Variants in ZSCAN5A observed in about 807,000 individuals in gnomAD.
The protein encoded by ZSCAN5A is zinc finger and SCAN domain-containing protein 5A.
ZSCAN5A carries 12 observed loss-of-function variants against 23.7 expected under a neutral mutation model. That is an observed-to-expected ratio of 0.51 (90% CI 0.32 to 0.82). The LOEUF is 0.82. Ranked by LOEUF, ZSCAN5A falls within the 40% of genes least tolerant of loss-of-function variation. The pLI, the probability that ZSCAN5A is intolerant of heterozygous loss-of-function variation, is 0.03. For synonymous variants in ZSCAN5A, 257 were observed against 239.9 expected, an observed-to-expected ratio of 1.07 and a Z score of -0.66; for missense variants, 597 against 617.9, an observed-to-expected ratio of 0.97 and a Z score of 0.36.
intron 2 of ZSCAN5A, among the ~76,000 whole-genome samples, chr19:56,271,495 C>T (rs763807814): frequency 2.0e-5 from 3 of 152,304 alleles, no homozygotes; most frequent in East Asian, 1.9e-4. Flanking sequence ...CACGTTTTCC[C>T]GGTGATGAGT....
chr19:56,232,848 G>T (rs148520154), intron 2 of ZSCAN5A, among the ~76,000 whole-genome samples: 9 of 151,960 alleles, frequency 5.9e-5, no homozygotes, highest in African/African-American at 4.8e-5. Context: ...CTGGCTAATT[G>T]TTTTGTATGT....
At chr19:56,332,758 A>T (rs542573440) in intron 2 of ZSCAN5A, among the ~76,000 whole-genome samples, 1 of 152,242 alleles carries the variant, frequency 6.6e-6, no homozygotes, top group South Asian at 2.1e-4. Flanking sequence ...GGATCTGAGG[A>T]CCATATACTT....
rs117757048 is a variant in ZSCAN5A, at chr19:56,306,178, C to T, written c.-128+7105G>A. ...CAGTTAAGAGGCTACTCAGTTTCCA[C>T]GAGATGACGGTAGCCTGGTCAAGGC... On this transcript the variant is annotated intron_variant, in intron 2 of 5. Coordinates refer to ENST00000683990, the MANE Select transcript of ZSCAN5A (RefSeq NM_001322064.3). Among the ~76,000 whole-genome samples, 98 of 152,330 alleles carry T rather than the reference C, an allele frequency of 6.4e-4. 3 individuals carry two copies. The East Asian group carries it at 0.017, about 26-fold the overall frequency.
At chr19:56,267,049 CTCTG>C (rs78972671) in intron 2 of ZSCAN5A, among the ~76,000 whole-genome samples, 81,881 of 151,232 alleles carry the variant, frequency 0.54, 22,360 homozygotes, top group South Asian at 0.6. Flanking sequence ...AAGCTGTTCC[CTCTG>C]TCTAAGCTAC....
chr19:56,361,117 A>G (rs1038792135), intron 2 of ZSCAN5A, among the ~76,000 whole-genome samples: 14 of 152,152 alleles, frequency 9.2e-5, no homozygotes, highest in East Asian at 3.9e-4. Context: ...AGAAATGCCA[A>G]TGATCACTGG....
At chr19:56,311,479 C>T (rs946369553) in intron 2 of ZSCAN5A, among the ~76,000 whole-genome samples, 4 of 152,040 alleles carry the variant, frequency 2.6e-5, no homozygotes, top group Non-Finnish European at 5.9e-5. Flanking sequence ...ACAACTGAAC[C>T]AATAGAGAAG....
intron 2 of ZSCAN5A, among the ~76,000 whole-genome samples, chr19:56,248,375 C>T (rs1473845754): frequency 6.6e-6 from 1 of 152,122 alleles, no homozygotes; most frequent in Non-Finnish European, 1.5e-5. Context: ...ATTCTGCCGT[C>T]TTGGCCGCCG....
At chr19:56,315,151 T>C (rs1334259942), upstream of ZSCAN5A, 3 of 152,082 alleles carry the variant, frequency 2.0e-5, no homozygotes, top group Non-Finnish European at 1.5e-5. Flanking sequence ...TAGTTTAGGG[T>C]TGTTTTGCGG....
intron 2 of ZSCAN5A, among the ~76,000 whole-genome samples, chr19:56,356,412 T>C (rs1347127067): frequency 2.0e-5 from 3 of 148,524 alleles, no homozygotes; most frequent in African/African-American, 7.6e-5. Context: ...TACGTATCAA[T>C]CTTATGACCT....
intron 2 of ZSCAN5A, among the ~76,000 whole-genome samples, chr19:56,268,017 C>G (rs531036054): frequency 6.6e-6 from 1 of 152,198 alleles, no homozygotes; most frequent in African/African-American, 2.4e-5. Flanking sequence ...TCCGATGACA[C>G]TTTTCAGGTC....
rs569966388 is a variant in ZSCAN5A at position 56,362,289 on chromosome 19, G to A, written c.-358+946C>T. Among the ~76,000 whole-genome samples, 14 of 152,184 alleles carry A rather than the reference G, an allele frequency of 9.2e-5. No homozygotes were observed. In the South Asian group the frequency reaches 1.2e-3, roughly 14 times the overall value. On this transcript the variant is annotated intron_variant, in intron 2 of 6. Transcript: ENST00000587340. ...TTAAGTATGAAAGTAACATTATGCC[G>A]GGCACTATGGCTTGTGCCTGTAATT... is the stretch of plus-strand genomic sequence containing the variant.
intron 2 of ZSCAN5A, among the ~76,000 whole-genome samples, chr19:56,361,691 C>T (rs1426197835): frequency 6.6e-6 from 1 of 152,118 alleles, no homozygotes; most frequent in Non-Finnish European, 1.5e-5. Flanking sequence ...AACACACACA[C>T]TGTGGCCTGT....
At position 56,237,917 on chromosome 19, in the gene ZSCAN5A, A is replaced by C. The variant is rs1396552317; in HGVS notation, c.-127-12744T>G. On this transcript the variant is annotated intron_variant, in intron 2 of 5. Transcript: ENST00000683990. ...GGGTGGCAGAGTGAGGTTCTGTCTC[A>C]AAAATAAAAAAAATTTAAAAAATGA... 2.0e-5 allele frequency among the ~76,000 whole-genome samples: 3 copies of C among 152,070 alleles called. No homozygotes were observed. In the East Asian group the frequency reaches 5.8e-4, roughly 29 times the overall value.
At chr19:56,230,615 ATG>A (rs58270311) in intron 2 of ZSCAN5A, among the ~76,000 whole-genome samples, 8,966 of 147,566 alleles carry the variant, frequency 0.061, 347 homozygotes, top group African/African-American at 0.11. Flanking sequence ...TTATTTCTTG[ATG>A]TGTGTGTGTG....
chr19:56,246,728 C>A (rs749070496), intron 2 of ZSCAN5A: 74 of 1,291,824 alleles, frequency 5.7e-5, no homozygotes, highest in Non-Finnish European at 7.9e-5. Context: ...TCCCTTCTTC[C>A]AGCAGGTGTG....
rs141427942 is a variant in ZSCAN5A, at chr19:56,362,643, G to A, written c.-358+592C>T. On this transcript the variant is annotated intron_variant, in intron 2 of 6. Transcript: ENST00000587340. ...CTAGCACTTTGGGAGGCCCAGGAGG[G>A]CAGATCACGAGGTCAGGAGATTAAG... 2.4e-3 allele frequency among the ~76,000 whole-genome samples: 370 copies of A among 152,286 alleles called. 3 individuals are homozygous for A. In the East Asian group the frequency reaches 0.031, roughly 13 times the overall value.
intron 2 of ZSCAN5A, among the ~76,000 whole-genome samples, chr19:56,229,518 A>C (rs373695206): frequency 2.0e-5 from 3 of 152,190 alleles, no homozygotes; most frequent in South Asian, 4.1e-4. Flanking sequence ...CTAACAAATG[A>C]GTTAGAGTTA....
At chr19:56,225,211 A>G (rs1434089618) in intron 2 of ZSCAN5A, 38 bp from the exon 3 acceptor site, 1 of 1,414,430 alleles carries the variant, frequency 7.1e-7, no homozygotes, top group East Asian at 2.5e-5. Flanking sequence ...AGTTTAAGTT[A>G]CTACTCCATC....
intron 2 of ZSCAN5A, among the ~76,000 whole-genome samples, chr19:56,300,208 C>T (rs766948060): frequency 1.1e-4 from 17 of 151,814 alleles, no homozygotes; most frequent in Non-Finnish European, 1.8e-4. Flanking sequence ...ACATGATATG[C>T]GAAGAGACTG....
Sources: allele counts gnomAD v4.1 joint callset (sites outside exome capture counted in the v4.1 genomes callset), GRCh38; gene constraint gnomAD v4.1.1; transcripts MANE v1.5; gene names NCBI Gene and HGNC (gene_info 2026-07-23, HGNC 2026-07-21).